Variants in DEAF1 observed in about 807,000 individuals in gnomAD.
DEAF1 encodes the protein deformed epidermal autoregulatory factor 1 homolog.
Under a neutral mutation model 58.9 loss-of-function variants are expected in DEAF1, and 53 were observed. The ratio of observed to expected loss-of-function variants is 0.90; its 90% CI spans 0.72 to 1.13. The LOEUF (loss-of-function observed/expected upper bound fraction) is 1.13. Among genes scored for constraint, DEAF1 ranks in the 50% most tolerant of loss-of-function variants. The probability of loss-of-function intolerance (pLI) is 0.00; values close to 1 mark genes in which losing one functional copy is unlikely to be tolerated. For missense variants in DEAF1, 685 were observed against 791.4 expected, an observed-to-expected ratio of 0.87 and a Z score of 1.61; for synonymous variants, 385 against 340.4, an observed-to-expected ratio of 1.13 and a Z score of -1.44.
chr11:670,288 A>G (rs1859753165), intron 10 of DEAF1, among the ~76,000 whole-genome samples: 1 of 152,174 alleles, frequency 6.6e-6, no homozygotes, highest in African/African-American at 2.4e-5. Flanking sequence ...AAGGACACAC[A>G]GTAAGTGTTC....
intron 5 of DEAF1, 125 bp downstream of exon 5, chr11:686,733 G>T (rs1372241660): frequency 3.0e-5 from 38 of 1,278,300 alleles, no homozygotes; most frequent in Non-Finnish European, 3.9e-5. Flanking sequence ...CACACAGACA[G>T]CAGGTGGAGG....
rs1381678110 is a variant in DEAF1 at position 689,315 on chromosome 11, C to T, written c.388-855G>A. Among the ~76,000 whole-genome samples the T allele has an allele frequency of 2.7e-5, 4 of 149,220 alleles. No individual in the cohort carries two copies. The Admixed American group carries it at 2.7e-4, about 10-fold the overall frequency. ...CCGCCTCCCGGGTTCACGCTATTGT[C>T]CTGCCTCAGCCTCCTAAGTAGCTGG... On this transcript the variant is annotated intron_variant, in intron 2 of 11. Transcript: ENST00000382409.
chr11:675,123 T>C (rs1859997518), intron 9 of DEAF1, among the ~76,000 whole-genome samples: 2 of 151,910 alleles, frequency 1.3e-5, no homozygotes, highest in Admixed American at 6.6e-5. Flanking sequence ...AGGCAGAGCT[T>C]GCAGTGAACA....
At chr11:659,228 CAAAA>C (rs34491245) in intron 10 of DEAF1, among the ~76,000 whole-genome samples, 1 of 79,736 alleles carries the variant, frequency 1.3e-5, no homozygotes, top group Non-Finnish European at 2.9e-5. Flanking sequence ...CCTGTCTCTA[CAAAA>C]AAAAAAAAAA....
chr11:694,347 G>T, intron 1 of DEAF1: 1 of 193,394 alleles, frequency 5.2e-6, no homozygotes, highest in Non-Finnish European at 1.1e-5. Context: ...GGGCAGGTAT[G>T]TGGGGCAGGT....
rs145974480 is a variant in DEAF1 at position 646,112 on chromosome 11, C to T, written c.1594-1458G>A. 1.2e-4 allele frequency among the ~76,000 whole-genome samples: 19 copies of T among 152,076 alleles called. No individual in the cohort carries two copies. In the East Asian group the frequency reaches 3.7e-3, roughly 29 times the overall value. ...TACTAAAAATACAAAAACTAGCCGCCTGTGGTCATGCGCACCTGCAATCTC... is the reference window on the plus strand; with the variant it reads ...TACTAAAAATACAAAAACTAGCCGCTTGTGGTCATGCGCACCTGCAATCTC... On this transcript the variant is annotated intron_variant, in intron 11 of 11. Coordinates refer to ENST00000382409, the MANE Select transcript of DEAF1 (RefSeq NM_021008.4).
At chr11:662,748 T>C (rs1859371408) in intron 10 of DEAF1, among the ~76,000 whole-genome samples, 1 of 152,204 alleles carries the variant, frequency 6.6e-6, no homozygotes. Context: ...GCCTGGGTGC[T>C]GTACCATGAT....
chr11:672,576 G>GTCCT (rs1421303474), intron 10 of DEAF1, among the ~76,000 whole-genome samples: 1 of 152,216 alleles, frequency 6.6e-6, no homozygotes, highest in Admixed American at 6.5e-5. Context: ...GCCGGGCAAG[G>GTCCT]TGGCTCATGC....
At chr11:687,485 G>GT (rs1363230880) in intron 4 of DEAF1, among the ~76,000 whole-genome samples, 3 of 152,318 alleles carry the variant, frequency 2.0e-5, no homozygotes, top group Admixed American at 6.5e-5. Flanking sequence ...CTTTTGTCTT[G>GT]TTTTTTTGTT....
rs755235331 is a variant in DEAF1, at chr11:678,798, G to A, written c.1151C>T (p.Pro384Leu). 1.6e-4 allele frequency: 260 copies of A among 1,613,982 alleles called. No homozygotes were observed. The highest frequency in any genetic ancestry group is 2.0e-4 in the Non-Finnish European group (240 of 1,180,000). ...ATVQEASVQP[P>L]CRASHPEPHY... ...AGGCTCAGGGTGGCTGGCCCTGCAT[G>A]GGGGCTGCACGCTGGCCTCTTGGAC... The change falls in exon 9 of 12, where the codon CCA becomes CTA. Residue 384 changes from proline to leucine, a missense_variant. By Grantham distance (98) the Pro-to-Leu change is moderately conservative. This residue lies in a region of DEAF1 where 343 missense variants were observed against 379.8 expected (regional missense o/e 0.90). Coordinates refer to ENST00000382409, the MANE Select transcript of DEAF1 (RefSeq NM_021008.4).
chr11:686,323 A>G (rs1365090188), intron 5 of DEAF1, among the ~76,000 whole-genome samples: 3 of 150,882 alleles, frequency 2.0e-5, no homozygotes, highest in African/African-American at 7.3e-5. Context: ...CAAAAACAGT[A>G]ATTTCCAGAG....
In DEAF1 at chr11:651,129, AT is replaced by A. The variant is rs1399139220; in HGVS notation, c.1593+2832del. On this transcript the variant is annotated intron_variant, in intron 11 of 11. Transcript: ENST00000382409. ...AGGCACGCGCCACCACGCCTGGCTA[AT>A]TTTTGTGTTTTTAGTAGAGATGGGG... is the stretch of plus-strand genomic sequence containing the variant. 7.8e-5 allele frequency: 12 copies of A among 154,704 alleles called. No homozygotes were observed. The Admixed American group carries it at 7.8e-4, about 10-fold the overall frequency. 9.6% of individuals were successfully genotyped at this position (154,704 alleles called of 1,614,324 possible).
intron 6 of DEAF1, among the ~76,000 whole-genome samples, chr11:683,760 C>T (rs547824361): frequency 5.3e-5 from 8 of 152,266 alleles, no homozygotes; most frequent in Middle Eastern, 3.4e-3. Context: ...GGGCGCAGGA[C>T]GTCTTTTGAC....
At position 685,618 on chromosome 11, in the gene DEAF1, C is replaced by A. The variant is rs1860561053; in HGVS notation, c.805-655G>T. ...GCTCAGGCAGGAGGATCGCTTGAAC[C>A]CGGGAGGCAGAGGTTACAGTGAGCT... is the stretch of plus-strand genomic sequence containing the variant. On this transcript the variant is annotated intron_variant, in intron 5 of 11. Transcript: ENST00000382409. Among the ~76,000 whole-genome samples, 4 of 152,102 alleles carry A rather than the reference C, an allele frequency of 2.6e-5. No individual in the cohort carries two copies. In the South Asian group the frequency reaches 8.3e-4, roughly 32 times the overall value.
chr11:684,056 A>T (rs9734266), intron 6 of DEAF1, among the ~76,000 whole-genome samples: 1 of 151,786 alleles, frequency 6.6e-6, no homozygotes, highest in African/African-American at 2.4e-5. Context: ...TGAAATCTAT[A>T]TATCAACTAC....
chr11:674,657 T>G lies in DEAF1; in HGVS notation c.1382A>C (p.Asn461Thr), dbSNP rs201341584. Reference sequence around the variant, plus strand: ...CTGCTGCGCTGTGTTGAGCAAGGAGTTGACCATCTCTTCTAGGTACAGCCA... The same window carrying G: ...CTGCTGCGCTGTGTTGAGCAAGGAGGTGACCATCTCTTCTAGGTACAGCCA... ...RSWLYLEEMVNSLLNTAQQLK... is the reference protein window; with the variant it reads ...RSWLYLEEMVTSLLNTAQQLK... Residue 461 changes from asparagine to threonine, a missense_variant, in exon 10 of 12, where the codon AAC (asparagine) becomes ACC (threonine). Physicochemically the swap from Asn to Thr is moderately conservative, Grantham distance 65 (BLOSUM62 0). Coordinates refer to ENST00000382409, the MANE Select transcript of DEAF1 (RefSeq NM_021008.4). The G allele has an allele frequency of 6.2e-7, 1 of 1,613,844 alleles. No individual in the cohort carries two copies. Among genetic ancestry groups the G allele is most frequent in the South Asian group, 1.1e-5 (1 of 91,064 alleles).
In DEAF1 at chr11:687,801, T is replaced by G; in HGVS notation, c.664+110A>C. 3 of 1,485,378 alleles carry G rather than the reference T, an allele frequency of 2.0e-6. No individual in the cohort carries two copies. The South Asian group carries it at 3.4e-5, about 17-fold the overall frequency. 92.0% of individuals were successfully genotyped at this position (1,485,378 alleles called of 1,614,324 possible). On this transcript the variant is annotated intron_variant, in intron 4 of 11. Transcript: ENST00000382409. ...ATCAGCCACCGCGCCCAGCCCTGTC[T>G]TCTTAACTAGTTCTAGGTGCCATGA...
intron 6 of DEAF1, among the ~76,000 whole-genome samples, chr11:682,181 ATC>A (rs1860406708): frequency 6.6e-6 from 1 of 152,058 alleles, no homozygotes; most frequent in Non-Finnish European, 1.5e-5. Flanking sequence ...GCTCTTCCTG[ATC>A]TCTGTTAAGC....
intron 1 of DEAF1, chr11:700,654 A>G: frequency 6.2e-7 from 1 of 1,613,956 alleles, no homozygotes; most frequent in Non-Finnish European, 8.5e-7. Context: ...CTGGTCCTCG[A>G]TCTTGCTCTG....
Sources: allele counts gnomAD v4.1 joint callset (sites outside exome capture counted in the v4.1 genomes callset), GRCh38; gene constraint gnomAD v4.1.1; regional missense constraint gnomAD v4.1.1; transcripts MANE v1.5; gene names NCBI Gene and HGNC (gene_info 2026-07-23, HGNC 2026-07-21).